FUT8: variants seen among roughly 807,000 people sequenced by gnomAD.
FUT8 encodes the protein fucosyltransferase 8.
Under a neutral mutation model 71.3 loss-of-function variants are expected in FUT8, and 29 were observed. The ratio of observed to expected loss-of-function variants is 0.41; its 90% CI spans 0.30 to 0.55. FUT8 has a LOEUF of 0.55. Ranked by LOEUF, FUT8 falls within the 20% of genes least tolerant of loss-of-function variation. The pLI, the probability that FUT8 is intolerant of heterozygous loss-of-function variation, is 0.34. For missense variants in FUT8, 544 were observed against 702.1 expected (o/e 0.77, Z 2.55); for synonymous variants, 254 against 239.3 (o/e 1.06, Z -0.57).
chr14:65,431,742 G>GT (rs2065480268), intron 1 of FUT8, among the ~76,000 whole-genome samples: 1 of 150,164 alleles, frequency 6.7e-6, no homozygotes, highest in South Asian at 2.1e-4. Context: ...TCTAAATTGT[G>GT]TAAGTTCTGT....
chr14:65,558,915 A>AATGACC (rs1294333419), intron 2 of FUT8, among the ~76,000 whole-genome samples: 1 of 152,166 alleles, frequency 6.6e-6, no homozygotes, highest in African/African-American at 2.4e-5. Flanking sequence ...CTCTTATAAA[A>AATGACC]ATGTATTGCT....
At chr14:65,576,445 T>C (rs1007549123) in intron 3 of FUT8, among the ~76,000 whole-genome samples, 3 of 152,178 alleles carry the variant, frequency 2.0e-5, no homozygotes, top group Admixed American at 6.5e-5. Context: ...CATGTTGATA[T>C]AGACATGCTC....
chr14:65,389,089 A>T, the FUT8 span, among the ~76,000 whole-genome samples: 5 of 150,342 alleles, frequency 3.3e-5, no homozygotes, highest in Admixed American at 3.3e-4. Context: ...GTAGCCTTGG[A>T]CTTAAGTGAT....
intron 2 of FUT8, chr14:65,488,490 C>G (rs1443626582): frequency 6.6e-6 from 1 of 152,212 alleles, no homozygotes; most frequent in Non-Finnish European, 1.5e-5. Context: ...TTTCTAGCAG[C>G]TGCTGCTTAA....
chr14:65,641,535 G>A (rs914268290), intron 6 of FUT8, among the ~76,000 whole-genome samples: 1 of 152,146 alleles, frequency 6.6e-6, no homozygotes, highest in Non-Finnish European at 1.5e-5. Flanking sequence ...CCTAGGAGTG[G>A]AATGGCTGGG....
intron 1 of FUT8, among the ~76,000 whole-genome samples, chr14:65,433,221 T>G (rs1249412542): frequency 6.6e-6 from 1 of 152,252 alleles, no homozygotes; most frequent in East Asian, 1.9e-4. Context: ...CATTTTTTTT[T>G]GATAACAGTT....
intron 2 of FUT8, among the ~76,000 whole-genome samples, chr14:65,557,632 A>G (rs559695626): frequency 1.3e-3 from 173 of 135,628 alleles, no homozygotes; most frequent in African/African-American, 3.9e-3. Context: ...TGCCCAGCCA[A>G]TTTTGTCTCT....
At chr14:65,487,526 GCA>G (rs1455366066) in intron 2 of FUT8, among the ~76,000 whole-genome samples, 4 of 139,632 alleles carry the variant, frequency 2.9e-5, no homozygotes, top group Non-Finnish European at 1.5e-5. Context: ...TTGTGCCACT[GCA>G]CACTCCAGCA....
intron 1 of FUT8, among the ~76,000 whole-genome samples, chr14:65,444,577 G>A (rs2065709992): frequency 6.6e-6 from 1 of 152,134 alleles, no homozygotes; most frequent in African/African-American, 2.4e-5. Context: ...ACAAACTATG[G>A]TACATCATAC....
chr14:65,699,309 G>C (rs900006434), intron 7 of FUT8, among the ~76,000 whole-genome samples: 4 of 152,066 alleles, frequency 2.6e-5, no homozygotes, highest in African/African-American at 9.7e-5. Flanking sequence ...ATGTAACCTG[G>C]TAGTTGTGCT....
chr14:65,565,395 T>TA (rs1886139410), intron 3 of FUT8, among the ~76,000 whole-genome samples: 1 of 151,840 alleles, frequency 6.6e-6, no homozygotes, highest in Non-Finnish European at 1.5e-5. Flanking sequence ...TTTTTTTTTT[T>TA]AATCCATTCA....
intron 6 of FUT8, among the ~76,000 whole-genome samples, chr14:65,667,973 A>G (rs1892298190): frequency 6.6e-6 from 1 of 152,154 alleles, no homozygotes; most frequent in African/African-American, 2.4e-5. Flanking sequence ...GCCAAGGAGA[A>G]AGGACTCCCT....
intron 7 of FUT8, among the ~76,000 whole-genome samples, chr14:65,687,948 A>G (rs961228429): frequency 2.6e-5 from 4 of 152,152 alleles, no homozygotes; most frequent in Middle Eastern, 3.2e-3. Context: ...CGGGCTGGTC[A>G]TGAACTCCTG....
intron 3 of FUT8, among the ~76,000 whole-genome samples, chr14:65,568,118 T>C (rs1886291165): frequency 6.6e-6 from 1 of 151,770 alleles, no homozygotes; most frequent in South Asian, 2.1e-4. Flanking sequence ...ACTGTTCAGC[T>C]CTTTTTTTTT....
intron 7 of FUT8, among the ~76,000 whole-genome samples, chr14:65,681,762 C>G (rs909836613): frequency 6.6e-6 from 1 of 152,134 alleles, no homozygotes; most frequent in Admixed American, 6.5e-5. Context: ...AACCATACTA[C>G]GTTACTGTGC....
At chr14:65,597,198 TA>T (rs1888026779) in intron 3 of FUT8, among the ~76,000 whole-genome samples, 1 of 94,512 alleles carries the variant, frequency 1.1e-5, no homozygotes. Context: ...GTAAGACTCT[TA>T]CTAAAGTCTG....
chr14:65,688,885 G>A (rs145870279), intron 7 of FUT8, among the ~76,000 whole-genome samples: 3,236 of 152,276 alleles, frequency 0.021, 63 homozygotes, highest in Non-Finnish European at 0.033. Flanking sequence ...TCTTCCTGGT[G>A]TTTACCTTCG....
chr14:65,523,748 G>T (rs999527312), intron 2 of FUT8, among the ~76,000 whole-genome samples: 5 of 152,154 alleles, frequency 3.3e-5, no homozygotes, highest in Non-Finnish European at 5.9e-5. Flanking sequence ...ATTAATTTTT[G>T]TATAAGGTGT....
At chr14:65,496,622 C>A (rs1019436032) in intron 2 of FUT8, among the ~76,000 whole-genome samples, 5 of 152,148 alleles carry the variant, frequency 3.3e-5, no homozygotes, top group African/African-American at 1.2e-4. Context: ...GTAAGACATG[C>A]CTCTTCCCCT....
Sources: gnomAD v4.1 joint callset for allele counts (sites outside exome capture counted in the v4.1 genomes callset) on GRCh38, gnomAD v4.1.1 for gene constraint, MANE v1.5 for transcripts, NCBI Gene and HGNC (gene_info 2026-07-23, HGNC 2026-07-21) for gene names.